CFAP20DC: variants seen among roughly 807,000 people sequenced by gnomAD.
CFAP20DC encodes the protein CFAP20 domain containing.
CFAP20DC carries 84 observed loss-of-function variants against 101.7 expected under a neutral mutation model. The ratio of observed to expected loss-of-function variants is 0.83; its 90% CI spans 0.69 to 0.99. The LOEUF (loss-of-function observed/expected upper bound fraction) is 0.99, where lower values mean the gene tolerates loss of function less well. CFAP20DC is among the 50% of genes least tolerant of loss of function. The pLI, the probability that CFAP20DC is intolerant of heterozygous loss-of-function variation, is 0.00. For synonymous variants in CFAP20DC, 359 were observed against 351.2 expected (o/e 1.02, Z -0.25); for missense variants, 1,007 against 970.3 (o/e 1.04, Z -0.50).
Position 58,865,855 on chromosome 3 carries a change from T to C in CFAP20DC, c.1258+711A>G, listed in dbSNP as rs2079644737. Among the ~76,000 whole-genome samples, 3 of 152,222 alleles carry C rather than the reference T, an allele frequency of 2.0e-5. No individual in the cohort carries two copies. The South Asian group carries it at 6.2e-4, about 32-fold the overall frequency. ...AAGGAGTGTTTTACACCAAACTAAC[T>C]CTAATTATCTCACTGCCACATGCTT... On this transcript the variant is annotated intron_variant, in intron 11 of 16. Coordinates refer to ENST00000482387, the MANE Select transcript of CFAP20DC (RefSeq NM_001394063.1).
chr3:59,006,698 A>G lies in CFAP20DC; in HGVS notation c.278+32859T>C, dbSNP rs2093441555. On this transcript the variant is annotated intron_variant, in intron 4 of 16. Transcript: ENST00000482387. The surrounding 1 kb of genome is among the most constrained non-coding windows in gnomAD (Gnocchi z 4.3). ...GAGCCCAGGGAAGCCAACCCTGACA[A>G]TATCTCATAGAGGCCCTAGGGGAAG... Among the ~76,000 whole-genome samples the G allele has an allele frequency of 1.3e-5, 2 of 152,144 alleles. No individual in the cohort carries two copies. The highest frequency in any genetic ancestry group is 1.3e-4 in the Admixed American group (2 of 15,274).
rs746112188 is a variant in CFAP20DC at position 58,753,847 on chromosome 3, A to G, written c.2254T>C (p.Leu752=). Residue 752 remains leucine, a synonymous_variant, in exon 16 of 17, where the codon TTG becomes CTG. Transcript: ENST00000482387. ...PSNPRDWLNM[L]SPPIVPPSQQ... ...CTGGGAGGAACGATTGGTGGGCTCA[A>G]CATATTTAACCAGTCCCTAAAAAGA... The G allele has an allele frequency of 6.2e-7, 1 of 1,611,230 alleles. No homozygotes were observed. Among genetic ancestry groups the G allele is most frequent in the South Asian group, 1.1e-5 (1 of 90,766 alleles).
chr3:58,862,263 C>T (rs1337152873), intron 12 of CFAP20DC: 2 of 985,150 alleles, frequency 2.0e-6, no homozygotes, highest in African/African-American at 1.7e-5. Flanking sequence ...ATAAAATGAA[C>T]TGAATTAATC....
intron 14 of CFAP20DC, among the ~76,000 whole-genome samples, chr3:58,816,443 G>C: frequency 6.6e-6 from 1 of 152,144 alleles, no homozygotes; most frequent in Non-Finnish European, 1.5e-5. Context: ...TGCACCGTGC[G>C]CGAGCCGAAG....
downstream of CFAP20DC, among the ~76,000 whole-genome samples, chr3:58,738,445 T>C (rs1216968955): frequency 1.3e-5 from 2 of 152,194 alleles, no homozygotes; most frequent in African/African-American, 2.4e-5. The surrounding 1 kb of genome is among the most constrained non-coding windows in gnomAD (Gnocchi z 4.4). Context: ...GCATGTTTAG[T>C]TTTCTGTTCC....
At chr3:58,835,879 C>T (rs557701170) in intron 13 of CFAP20DC, among the ~76,000 whole-genome samples, 6 of 152,176 alleles carry the variant, frequency 3.9e-5, no homozygotes, top group Non-Finnish European at 8.8e-5. Context: ...CTAAATTACA[C>T]TACTGCTGAG....
At chr3:58,915,402 T>C (rs2084581117) in intron 5 of CFAP20DC, among the ~76,000 whole-genome samples, 1 of 152,148 alleles carries the variant, frequency 6.6e-6, no homozygotes, top group Admixed American at 6.6e-5. Context: ...CTTATTATAA[T>C]ATTAGCATTA....
At chr3:58,889,242 T>C (rs1300487895) in intron 6 of CFAP20DC, among the ~76,000 whole-genome samples, 2 of 152,242 alleles carry the variant, frequency 1.3e-5, no homozygotes. Flanking sequence ...AGCGTAGTTC[T>C]AGACAACTTT....
chr3:58,749,061 C>T (rs891464615), intron 16 of CFAP20DC, among the ~76,000 whole-genome samples: 1 of 152,176 alleles, frequency 6.6e-6, no homozygotes, highest in African/African-American at 2.4e-5. Flanking sequence ...CAATATTGCT[C>T]TTTTGGGAAA....
Position 58,937,660 on chromosome 3 carries a change from G to T in CFAP20DC, c.381C>A (p.Ile127=). Residue 127 remains isoleucine, a synonymous_variant, in exon 5 of 17, where the codon ATC becomes ATA. Coordinates refer to ENST00000482387, the MANE Select transcript of CFAP20DC (RefSeq NM_001394063.1). ...ATGTGATACTTACAATTTTACGTTT[G>T]ATCATGAAGAGTGGAATTTTTGCAT... is the stretch of plus-strand genomic sequence containing the variant. ...PLHAKIPLFM[I]KRKIWCNLCI... is the part of the protein sequence containing the mutation. 1.3e-6 allele frequency: 2 copies of T among 1,594,002 alleles called. No individual in the cohort carries two copies. Among genetic ancestry groups the T allele is most frequent in the Non-Finnish European group, 1.7e-6 (2 of 1,161,872 alleles).
intron 15 of CFAP20DC, among the ~76,000 whole-genome samples, chr3:58,765,619 A>T (rs2070234113): frequency 6.6e-6 from 1 of 152,124 alleles, no homozygotes. Flanking sequence ...TATTTGGCGT[A>T]GTCACTATTT....
intron 16 of CFAP20DC, among the ~76,000 whole-genome samples, chr3:58,746,258 A>G (rs964580551): frequency 6.6e-6 from 1 of 152,210 alleles, no homozygotes; most frequent in East Asian, 1.9e-4. Flanking sequence ...TAATGTTTAA[A>G]TCACATATCC....
intron 7 of CFAP20DC, among the ~76,000 whole-genome samples, chr3:58,872,416 C>A (rs929879343): frequency 3.3e-5 from 5 of 151,734 alleles, no homozygotes; most frequent in African/African-American, 1.2e-4. Context: ...TGAAAATATA[C>A]CATACTCAGC....
Position 58,935,487 on chromosome 3 carries a change from C to G in CFAP20DC, c.393+2161G>C, listed in dbSNP as rs529722842. ...CCAAGTCAATCCTAAGCCAAAAGAACAAAGCTGGAGGTATCGCGCTACCTG... is the reference window on the plus strand; with the variant it reads ...CCAAGTCAATCCTAAGCCAAAAGAAGAAAGCTGGAGGTATCGCGCTACCTG... On this transcript the variant is annotated intron_variant, in intron 5 of 16. Transcript: ENST00000482387. Among the ~76,000 whole-genome samples, 60 of 151,894 alleles carry G rather than the reference C, an allele frequency of 4.0e-4. 3 individuals carry two copies. Among genetic ancestry groups the G allele is most frequent in the African/African-American group, 1.4e-3 (56 of 41,172 alleles).
downstream of CFAP20DC, among the ~76,000 whole-genome samples, chr3:58,717,130 G>T (rs1348647481): frequency 6.6e-6 from 1 of 151,954 alleles, no homozygotes; most frequent in Non-Finnish European, 1.5e-5. This position sits in a 1 kb window ranked among gnomAD's most constrained non-coding sequence, Gnocchi z 4.1. Context: ...TCAGTGTAAT[G>T]TCATCAATGT....
intron 15 of CFAP20DC, among the ~76,000 whole-genome samples, chr3:58,775,814 C>T (rs892744003): frequency 1.4e-5 from 2 of 147,174 alleles, no homozygotes; most frequent in African/African-American, 2.5e-5. Flanking sequence ...GGCGTGATCT[C>T]GTCTCACCAC....
intron 4 of CFAP20DC, among the ~76,000 whole-genome samples, chr3:58,967,732 A>G (rs200527297): frequency 2.0e-5 from 3 of 152,204 alleles, no homozygotes; most frequent in African/African-American, 7.2e-5. Context: ...TTTTAGGTTT[A>G]GGGGTACATG....
intron 4 of CFAP20DC, among the ~76,000 whole-genome samples, chr3:58,950,658 G>A (rs979945470): frequency 1.3e-5 from 2 of 152,162 alleles, no homozygotes; most frequent in South Asian, 4.2e-4. Flanking sequence ...CAAGAAATAG[G>A]GAAACGATTC....
chr3:58,775,657 A>C (rs2071263311), intron 15 of CFAP20DC, among the ~76,000 whole-genome samples: 1 of 152,024 alleles, frequency 6.6e-6, no homozygotes, highest in Non-Finnish European at 1.5e-5. Flanking sequence ...ATAAATACTT[A>C]TGAACTGTTA....
Sources: gnomAD v4.1 joint callset for allele counts (sites outside exome capture counted in the v4.1 genomes callset) on GRCh38, gnomAD v4.1.1 for gene constraint, Gnocchi (gnomAD v3.1) non-coding constraint, MANE v1.5 for transcripts, NCBI Gene and HGNC (gene_info 2026-07-23, HGNC 2026-07-21) for gene names.